ADH5: variants seen among roughly 807,000 people sequenced by gnomAD.
The protein encoded by ADH5 is alcohol dehydrogenase class-3.
ADH5 carries 32 observed loss-of-function variants against 40.3 expected under a neutral mutation model. The ratio of observed to expected loss-of-function variants is 0.79; its 90% CI spans 0.60 to 1.07. The LOEUF is 1.07. ADH5 is among the 50% of genes least tolerant of loss of function. The pLI, the probability that ADH5 is intolerant of heterozygous loss-of-function variation, is 0.00. For synonymous variants in ADH5, 125 were observed against 154.3 expected (o/e 0.81, Z 1.41); for missense variants, 353 against 460.5 (o/e 0.77, Z 2.14).
At chr4:99,086,939 C>CAAAAA (rs58359709) in intron 1 of ADH5, among the ~76,000 whole-genome samples, 684 of 64,270 alleles carry the variant, frequency 0.011, 24 homozygotes, top group African/African-American at 0.027. Context: ...GACTGCGTCT[C>CAAAAA]AAAAAAAAAA....
Position 99,081,467 on chromosome 4 carries a change from A to C in ADH5, c.257-15T>G, listed in dbSNP as rs1169154808. 2 of 1,556,244 alleles carry C rather than the reference A, an allele frequency of 1.3e-6. No individual in the cohort carries two copies. Among genetic ancestry groups the C allele is most frequent in the East Asian group, 4.5e-5 (2 of 44,514 alleles). Reference sequence around the variant, plus strand: ...GACAGTGTCACCTGGAAACAAATGCAAAGACATCCTGAATAGGTAGTATCT... The same window carrying C: ...GACAGTGTCACCTGGAAACAAATGCCAAGACATCCTGAATAGGTAGTATCT... On this transcript the variant is annotated splice_polypyrimidine_tract_variant and intron_variant, in intron 3 of 8. Coordinates refer to ENST00000296412, the MANE Select transcript of ADH5 (RefSeq NM_000671.4).
At chr4:99,084,149 G>A (rs1293565701) in intron 2 of ADH5, among the ~76,000 whole-genome samples, 2 of 152,146 alleles carry the variant, frequency 1.3e-5, no homozygotes, top group Non-Finnish European at 2.9e-5. Context: ...TAACCAGAGC[G>A]ACTCCACCTT....
Position 99,087,640 on chromosome 4 carries a change from C to T in ADH5, c.12+1049G>A, listed in dbSNP as rs573278210. 4.6e-5 allele frequency among the ~76,000 whole-genome samples: 7 copies of T among 152,210 alleles called. 1 individual carries two copies. Among genetic ancestry groups the T allele is most frequent in the African/African-American group, 1.7e-4 (7 of 41,526 alleles). On this transcript the variant is annotated intron_variant, in intron 1 of 8. Coordinates refer to ENST00000296412, the MANE Select transcript of ADH5 (RefSeq NM_000671.4). ...AGAATACTAAATTTGATGGCCTGCT[C>T]CCCTTTAAAAAATGTCTTAATGGAG... is the stretch of plus-strand genomic sequence containing the variant.
At chr4:99,075,967 T>G (rs1727917288) in intron 6 of ADH5, 2 of 207,902 alleles carry the variant, frequency 9.6e-6, no homozygotes, top group Non-Finnish European at 2.0e-5. Flanking sequence ...AGAAGCTGTT[T>G]GTTCAGGGTC....
chr4:99,076,195 G>A, intron 6 of ADH5, 97 bp downstream of exon 6: 1 of 1,312,872 alleles, frequency 7.6e-7, no homozygotes. Context: ...CTTATTAAGA[G>A]ACTTTTCCTT....
chr4:99,086,939 C>CAAAAAAGAAAAAAAAAAAAAA, intron 1 of ADH5, among the ~76,000 whole-genome samples: 1 of 64,270 alleles, frequency 1.6e-5, no homozygotes, highest in Non-Finnish European at 2.6e-5. Flanking sequence ...GACTGCGTCT[C>CAAAAAAGAAAAAAAAAAAAAA]AAAAAAAAAA....
At chr4:99,086,121 TATCTC>T (rs1324359935) in intron 1 of ADH5, among the ~76,000 whole-genome samples, 4 of 152,248 alleles carry the variant, frequency 2.6e-5, no homozygotes, top group Admixed American at 6.5e-5. Flanking sequence ...AAAGTAAAAA[TATCTC>T]ATCAACAGTA....
rs1312873472 is a variant in ADH5, at chr4:99,075,207, AT to A, written c.826-159del. The A allele has an allele frequency of 5.0e-5, 26 of 517,146 alleles. 1 individual carries two copies. The highest frequency in any genetic ancestry group is 2.2e-5 in the African/African-American group (1 of 46,476). 32.0% of individuals were successfully genotyped at this position (517,146 alleles called of 1,614,324 possible). A position where few individuals can be genotyped will look rare whatever the true frequency, so the allele number is the denominator to read the frequency against. Reference sequence around the variant, plus strand: ...AGCTCAATGTTATTGAACAATTTATATTTTAATTTTTTTTGTTGTTTTTTTT... The same window carrying A: ...AGCTCAATGTTATTGAACAATTTATATTTAATTTTTTTTGTTGTTTTTTTT... On this transcript the variant is annotated intron_variant, in intron 6 of 8. Coordinates refer to ENST00000296412, the MANE Select transcript of ADH5 (RefSeq NM_000671.4).
At position 99,076,713 on chromosome 4, in the gene ADH5, G is replaced by A; in HGVS notation, c.555C>T (p.Asn185=). Reference sequence around the variant, plus strand: ...CAAGTCAGTCTCTTACCTTGGCAGTGTTCACAGCAGCACCATAACCGGTTG... The same window carrying A: ...CAAGTCAGTCTCTTACCTTGGCAGTATTCACAGCAGCACCATAACCGGTTG... The part of the protein sequence containing the change: ...GISTGYGAAV[N]TAKLEPGSVC... The change falls in exon 5 of 9, where the codon AAC becomes AAT. Residue 185 remains asparagine (N), a synonymous_variant. Coordinates refer to ENST00000296412, the MANE Select transcript of ADH5 (RefSeq NM_000671.4). 1 of 1,613,932 alleles carries A rather than the reference G, an allele frequency of 6.2e-7. No homozygotes were observed.
In ADH5 at chr4:99,081,365, C is replaced by T. The variant is rs1444726118; in HGVS notation, c.344G>A (p.Arg115Lys). The change falls in exon 4 of 9, where the codon AGA becomes AAA. Residue 115 changes from arginine to lysine, a missense_variant and splice_region_variant. Transcript: ENST00000296412. ...NPKTNLCQKI[R>K]VTQGKGLMPD... ...AAGAAGAACATAAAAAGATACTAAC[C>T]TTATCTTCTGGCAAAGGTTAGTTTT... 9.5e-6 allele frequency: 15 copies of T among 1,571,742 alleles called. No individual in the cohort carries two copies. The highest frequency in any genetic ancestry group is 1.2e-5 in the Non-Finnish European group (14 of 1,149,432).
intron 4 of ADH5, chr4:99,080,539 C>T (rs915982116): frequency 6.5e-6 from 1 of 152,750 alleles, no homozygotes; most frequent in Non-Finnish European, 1.5e-5. Flanking sequence ...AAGGCAGACA[C>T]CCCTTGAGAG....
intron 1 of ADH5, among the ~76,000 whole-genome samples, chr4:99,087,140 T>C (rs1029203678): frequency 7.3e-5 from 11 of 151,252 alleles, no homozygotes; most frequent in African/African-American, 1.2e-4. Context: ...TCCCAGCACT[T>C]TGGGAGGCCG....
intron 1 of ADH5, among the ~76,000 whole-genome samples, chr4:99,086,886 G>A (rs1226299321): frequency 1.4e-5 from 2 of 139,650 alleles, no homozygotes; most frequent in Non-Finnish European, 1.5e-5. Context: ...CTTGTAGTGA[G>A]CCGAGATCGC....
intron 4 of ADH5, among the ~76,000 whole-genome samples, chr4:99,077,692 A>G (rs1261718044): frequency 5.3e-5 from 8 of 152,220 alleles, no homozygotes. Context: ...CAATAATGCA[A>G]GTTAAATTAC....
Sources: allele counts gnomAD v4.1 joint callset (sites outside exome capture counted in the v4.1 genomes callset), GRCh38; gene constraint gnomAD v4.1.1; transcripts MANE v1.5; gene names NCBI Gene and HGNC (gene_info 2026-07-23, HGNC 2026-07-21).